Variants in TSPEAR observed in about 807,000 individuals in gnomAD.
TSPEAR encodes the protein thrombospondin type laminin G domain and EAR repeats, also known as thrombospondin-type laminin G domain and EAR repeat-containing protein.
TSPEAR carries 69 observed loss-of-function variants against 71.6 expected under a neutral mutation model. The ratio of observed to expected loss-of-function variants is 0.96; its 90% confidence interval spans 0.79 to 1.18. The LOEUF (loss-of-function observed/expected upper bound fraction) is 1.18, where lower values mean the gene tolerates loss of function less well. Ranked by LOEUF, TSPEAR falls within the 50% of genes most tolerant of loss-of-function variation. The pLI, the probability that TSPEAR is intolerant of heterozygous loss-of-function variation, is 0.00. For synonymous variants in TSPEAR, 402 were observed against 387.2 expected, an observed-to-expected ratio of 1.04 and a Z score of -0.45; for missense variants, 971 against 894.9, an observed-to-expected ratio of 1.09 and a Z score of -1.09.
intron 2 of TSPEAR, among the ~76,000 whole-genome samples, chr21:44,542,241 G>A (rs1347022162): frequency 6.6e-6 from 1 of 152,158 alleles, no homozygotes; most frequent in Non-Finnish European, 1.5e-5. Flanking sequence ...AAGGAAGGGA[G>A]ATGAGGAAAT....
At chr21:44,564,315 A>G (rs2053676009) in intron 2 of TSPEAR, among the ~76,000 whole-genome samples, 1 of 152,230 alleles carries the variant, frequency 6.6e-6, no homozygotes, top group Admixed American at 6.5e-5. Context: ...AATAGATTAA[A>G]TAACCCAGTC....
intron 9 of TSPEAR, among the ~76,000 whole-genome samples, chr21:44,515,150 C>G (rs1243913436): frequency 6.6e-6 from 1 of 152,208 alleles, no homozygotes; most frequent in African/African-American, 2.4e-5. Flanking sequence ...AAACTCAAAC[C>G]AAACAGTAAA....
intron 2 of TSPEAR, among the ~76,000 whole-genome samples, chr21:44,536,777 A>G (rs1438267137): frequency 3.9e-5 from 6 of 152,344 alleles, no homozygotes; most frequent in East Asian, 1.9e-4. Context: ...GCTCATCTAC[A>G]TAGAAAAATC....
At chr21:44,518,035 TCTTAA>T (rs1569159410) in intron 9 of TSPEAR, among the ~76,000 whole-genome samples, 5 of 152,244 alleles carry the variant, frequency 3.3e-5, no homozygotes, top group Admixed American at 6.5e-5. Context: ...TAGAAGATAC[TCTTAA>T]CTTTATATTT....
intron 3 of TSPEAR, 89 bp downstream of exon 3, chr21:44,533,596 A>AG: frequency 9.1e-7 from 1 of 1,095,794 alleles, no homozygotes; most frequent in Non-Finnish European, 1.3e-6. Context: ...CAGCTCCTGC[A>AG]GGTGTTGCTC....
At chr21:44,703,204 A>G (rs1987742646) in intron 1 of TSPEAR, among the ~76,000 whole-genome samples, 1 of 152,062 alleles carries the variant, frequency 6.6e-6, no homozygotes, top group Non-Finnish European at 1.5e-5. Flanking sequence ...CGGGCCCTCT[A>G]TGCAAACACA....
intron 2 of TSPEAR, among the ~76,000 whole-genome samples, chr21:44,543,793 C>T (rs1555917478): frequency 6.6e-6 from 1 of 152,184 alleles, no homozygotes; most frequent in African/African-American, 2.4e-5. Context: ...GAAAGCATTG[C>T]CCTGTGGAAA....
intron 1 of TSPEAR, among the ~76,000 whole-genome samples, chr21:44,625,806 C>A (rs879988392): frequency 8.6e-5 from 8 of 92,932 alleles, no homozygotes; most frequent in Non-Finnish European, 1.6e-4. Context: ...GTGCTTCTAC[C>A]AGCTGCTTCT....
chr21:44,599,172 C>CTCTCTCTCTCTCTCTCTCTCT (rs1372930980), intron 1 of TSPEAR, among the ~76,000 whole-genome samples: 413 of 145,956 alleles, frequency 2.8e-3, no homozygotes, highest in Non-Finnish European at 3.7e-3. Flanking sequence ...CTCTCTCTCT[C>CTCTCTCTCTCTCTCTCTCTCT]CTTCCATCCC....
At chr21:44,589,984 C>T (rs1555926212) in intron 1 of TSPEAR, among the ~76,000 whole-genome samples, 2 of 152,266 alleles carry the variant, frequency 1.3e-5, no homozygotes, top group African/African-American at 2.4e-5. Flanking sequence ...TTCATGGGGA[C>T]GTGGCTTTGC....
chr21:44,606,250 G>A (rs1402223855), intron 1 of TSPEAR, among the ~76,000 whole-genome samples: 1 of 151,076 alleles, frequency 6.6e-6, no homozygotes, highest in Non-Finnish European at 1.5e-5. Flanking sequence ...CCATTTAAAT[G>A]GACAGCAGGT....
chr21:44,505,084 T>A (rs1232186246), intron 10 of TSPEAR, among the ~76,000 whole-genome samples: 1 of 152,184 alleles, frequency 6.6e-6, no homozygotes, highest in African/African-American at 2.4e-5. Flanking sequence ...AAATTTTATT[T>A]TATTTTATTT....
chr21:44,581,546 G>A (rs587625405), intron 1 of TSPEAR, among the ~76,000 whole-genome samples: 25 of 152,238 alleles, frequency 1.6e-4, no homozygotes, highest in African/African-American at 4.1e-4. Context: ...CTCTCTCTCC[G>A]TTTAACTCTC....
intron 1 of TSPEAR, among the ~76,000 whole-genome samples, chr21:44,614,163 C>A (rs1240527061): frequency 6.6e-6 from 1 of 152,186 alleles, no homozygotes; most frequent in Non-Finnish European, 1.5e-5. Flanking sequence ...CAGCATCAAG[C>A]CCCCCGCCCA....
intron 8 of TSPEAR, among the ~76,000 whole-genome samples, chr21:44,522,336 C>T (rs1310036178): frequency 1.3e-5 from 2 of 152,200 alleles, no homozygotes; most frequent in Non-Finnish European, 2.9e-5. Context: ...TATGGAAATG[C>T]TTGGTGGCCC....
At chr21:44,632,045 G>A (rs187122206) in intron 1 of TSPEAR, among the ~76,000 whole-genome samples, 1 of 152,052 alleles carries the variant, frequency 6.6e-6, no homozygotes, top group Non-Finnish European at 1.5e-5. Flanking sequence ...ATCACTGAAC[G>A]GTACACTTAA....
At position 44,525,733 on chromosome 21, in the gene TSPEAR, A is replaced by G. The variant is rs2052842047; in HGVS notation, c.1256T>C (p.Ile419Thr). Residue 419 changes from isoleucine to threonine, a missense_variant, in exon 8 of 12, where the codon ATT becomes ACT. Transcript: ENST00000323084. ...CCAGTCTCGGGCGCTGTGTGTGGCA[A>G]TGCTCTGATATGGGGTAAACTTCAG... ...RKLKFTPYQSIATHSARDWEA... is the reference protein window; with the variant it reads ...RKLKFTPYQSTATHSARDWEA... The G allele has an allele frequency of 5.0e-6, 8 of 1,613,984 alleles. No individual in the cohort carries two copies. Among genetic ancestry groups the G allele is most frequent in the East Asian group, 4.5e-5 (2 of 44,894 alleles).
intron 1 of TSPEAR, among the ~76,000 whole-genome samples, chr21:44,594,051 T>C (rs1341666144): frequency 3.3e-5 from 5 of 152,174 alleles, no homozygotes; most frequent in South Asian, 2.1e-4. Context: ...TAGGGCCTCA[T>C]TGCGACCCAT....
chr21:44,551,824 G>T (rs2053446157), intron 2 of TSPEAR, among the ~76,000 whole-genome samples: 1 of 152,184 alleles, frequency 6.6e-6, no homozygotes, highest in Non-Finnish European at 1.5e-5. Flanking sequence ...CCGTGACTGT[G>T]CCCAGCGTGA....
Sources: gnomAD v4.1 joint callset for allele counts (sites outside exome capture counted in the v4.1 genomes callset) on GRCh38, gnomAD v4.1.1 for gene constraint, MANE v1.5 for transcripts, NCBI Gene and HGNC (gene_info 2026-07-23, HGNC 2026-07-21) for gene names.